PTPRS: variants seen among roughly 807,000 people sequenced by gnomAD.
PTPRS encodes receptor-type tyrosine-protein phosphatase S.
In PTPRS, 63 loss-of-function variants were observed where a neutral mutation model predicts 215.3. The observed-to-expected ratio is 0.29, with a 90% confidence interval of 0.24 to 0.36. The LOEUF (loss-of-function observed/expected upper bound fraction) is 0.36. Ranked by LOEUF, PTPRS falls within the 10% of genes least tolerant of loss-of-function variation. PTPRS has a pLI of 1.00. For synonymous variants in PTPRS, 1,404 were observed against 1,191.4 expected, an observed-to-expected ratio of 1.18 and a Z score of -3.68; for missense variants, 2,258 against 2,825.8, an observed-to-expected ratio of 0.80 and a Z score of 4.56.
chr19:5,265,480 T>C (rs1008682978), intron 4 of PTPRS, among the ~76,000 whole-genome samples: 2 of 152,178 alleles, frequency 1.3e-5, no homozygotes, highest in African/African-American at 2.4e-5. Context: ...TAGCCGGGAC[T>C]ACAAGCATGC....
At position 5,257,410 on chromosome 19, in the gene PTPRS, A is replaced by G. The variant is rs1431208238; in HGVS notation, c.706+607T>C. 4 of 456,954 alleles carry G rather than the reference A, an allele frequency of 8.8e-6. No homozygotes were observed. Among genetic ancestry groups the G allele is most frequent in the South Asian group, 6.2e-5 (4 of 64,514 alleles). 28.3% of individuals were successfully genotyped at this position (456,954 alleles called of 1,614,324 possible). ...GTGCCCGCTGTGGCTCCAGCCTCCC[A>G]TCGGCCTGGACTGCCCTTCTCGGAG... On this transcript the variant is annotated intron_variant, in intron 8 of 37. Transcript: ENST00000262963. The surrounding 1 kb of genome is among the most constrained non-coding windows in gnomAD (Gnocchi z 4.4).
chr19:5,253,950 G>A (rs531154858), intron 9 of PTPRS, among the ~76,000 whole-genome samples: 1 of 152,262 alleles, frequency 6.6e-6, no homozygotes, highest in South Asian at 2.1e-4. Context: ...TGAGGAAGTG[G>A]GGACTCCAAG....
At position 5,257,547 on chromosome 19, in the gene PTPRS, G is replaced by C. The variant is rs753309732; in HGVS notation, c.706+470C>G. ...TCTAGATTGAGGGCCCTGGATTAGG[G>C]GGGGCAGTGAAGCGGGGAGCTACGA... On this transcript the variant is annotated intron_variant, in intron 8 of 37. Transcript: ENST00000262963. The surrounding 1 kb of genome is among the most constrained non-coding windows in gnomAD (Gnocchi z 4.4). 1.4e-5 allele frequency: 6 copies of C among 442,396 alleles called. No individual in the cohort carries two copies. The highest frequency in any genetic ancestry group is 3.2e-5 in the South Asian group (2 of 63,282). The allele number at this position is 442,396 out of a possible 1,614,324, so 27.4% of individuals were successfully genotyped here.
At chr19:5,266,677 T>TA (rs1013414879) in intron 4 of PTPRS, among the ~76,000 whole-genome samples, 1 of 152,028 alleles carries the variant, frequency 6.6e-6, no homozygotes, top group African/African-American at 2.4e-5. Context: ...TTTCTAAACA[T>TA]AAACCACACT....
At position 5,219,981 on chromosome 19, in the gene PTPRS, G is replaced by A; in HGVS notation, c.3723C>T (p.Arg1241=). The change falls in exon 22 of 38, where the codon CGC becomes CGT. Residue 1241 remains arginine, a synonymous_variant. Transcript: ENST00000262963. ...FDNRGLEPGH[R]YVLFVLAVLQ... ...GCACGGCAAGCACGAAGAGGACATAGCGGTGGCCGGGCTCCAGGCCCCGGT... is the reference window on the plus strand; with the variant it reads ...GCACGGCAAGCACGAAGAGGACATAACGGTGGCCGGGCTCCAGGCCCCGGT... 1 of 1,613,896 alleles carries A rather than the reference G, an allele frequency of 6.2e-7. No individual in the cohort carries two copies. Among genetic ancestry groups the A allele is most frequent in the Non-Finnish European group, 8.5e-7 (1 of 1,180,014 alleles).
At chr19:5,264,521 T>C (rs1480313929) in intron 5 of PTPRS, among the ~76,000 whole-genome samples, 1 of 152,160 alleles carries the variant, frequency 6.6e-6, no homozygotes, top group Non-Finnish European at 1.5e-5. Flanking sequence ...ACATTGCCCA[T>C]GCTGGTCTCA....
Position 5,257,931 on chromosome 19 carries a change from G to C in PTPRS, c.706+86C>G. The stretch of plus-strand genomic sequence containing the variant: ...TCCTGCTTGGGTGTGCAGGGGACGG[G>C]GGAGCCCGGAGGCGGTGAGCCCGAG... On this transcript the variant is annotated intron_variant, in intron 8 of 37. Coordinates refer to ENST00000262963, the MANE Select transcript of PTPRS (RefSeq NM_002850.4). This position sits in a 1 kb window ranked among gnomAD's most constrained non-coding sequence, Gnocchi z 4.4. 8.3e-7 allele frequency: 1 copy of C among 1,198,894 alleles called. No homozygotes were observed. Among genetic ancestry groups the C allele is most frequent in the Middle Eastern group, 2.8e-4 (1 of 3,598 alleles). The allele number at this position is 1,198,894 out of a possible 1,614,324, so 74.3% of individuals were successfully genotyped here.
intron 1 of PTPRS, among the ~76,000 whole-genome samples, chr19:5,304,194 G>A (rs2049401988): frequency 6.6e-6 from 1 of 152,112 alleles, no homozygotes; most frequent in South Asian, 2.1e-4. Flanking sequence ...GGCCAGGCGT[G>A]GTAGCTCACA....
intron 1 of PTPRS, among the ~76,000 whole-genome samples, chr19:5,334,104 G>A (rs893869610): frequency 1.3e-5 from 2 of 152,168 alleles, no homozygotes; most frequent in Non-Finnish European, 2.9e-5. Flanking sequence ...GCCCCCTGTG[G>A]TTCAGCTCCC....
chr19:5,250,636 G>A (rs1238029206), intron 9 of PTPRS, among the ~76,000 whole-genome samples: 2 of 148,496 alleles, frequency 1.3e-5, no homozygotes, highest in African/African-American at 5.0e-5. Flanking sequence ...CCGCTTGGGC[G>A]AGGGGGTCGG....
chr19:5,248,037 G>T (rs531621461), intron 9 of PTPRS, among the ~76,000 whole-genome samples: 11 of 148,872 alleles, frequency 7.4e-5, no homozygotes, highest in South Asian at 2.2e-4. Context: ...CCGTGAGATG[G>T]GGGGGGCGGG....
At chr19:5,297,182 G>A (rs189725005) in intron 1 of PTPRS, among the ~76,000 whole-genome samples, 40 of 152,282 alleles carry the variant, frequency 2.6e-4, no homozygotes, top group African/African-American at 8.9e-4. Flanking sequence ...CCCAGGAGGC[G>A]GCTGCCCTTG....
intron 1 of PTPRS, among the ~76,000 whole-genome samples, chr19:5,324,307 G>A (rs966625363): frequency 2.6e-5 from 4 of 151,522 alleles, no homozygotes; most frequent in Non-Finnish European, 2.9e-5. Flanking sequence ...CGCACAGTCC[G>A]GCACACAGCA....
chr19:5,321,467 G>A (rs1481018892), intron 1 of PTPRS, among the ~76,000 whole-genome samples: 3 of 152,174 alleles, frequency 2.0e-5, no homozygotes, highest in Non-Finnish European at 4.4e-5. Flanking sequence ...AGGATCTACC[G>A]CCTAGAAGTG....
chr19:5,317,461 G>C (rs1292578448), intron 1 of PTPRS, among the ~76,000 whole-genome samples: 2 of 152,202 alleles, frequency 1.3e-5, no homozygotes, highest in Admixed American at 6.5e-5. Flanking sequence ...GACAGAGCAA[G>C]ACTGTCTCAA....
chr19:5,255,868 G>C (rs185130992), intron 9 of PTPRS, among the ~76,000 whole-genome samples: 2 of 152,208 alleles, frequency 1.3e-5, no homozygotes, highest in African/African-American at 4.8e-5. Flanking sequence ...GGCTGGGCGC[G>C]GCTGAGATTT....
At chr19:5,241,792 C>A (rs1047547346) in intron 11 of PTPRS, among the ~76,000 whole-genome samples, 6 of 152,090 alleles carry the variant, frequency 3.9e-5, no homozygotes, top group African/African-American at 2.4e-5. Context: ...AGTCCTGCCA[C>A]CTGAGCAGGG....
intron 4 of PTPRS, among the ~76,000 whole-genome samples, chr19:5,269,621 G>A (rs1483155904): frequency 6.6e-6 from 1 of 152,040 alleles, no homozygotes; most frequent in African/African-American, 2.4e-5. Context: ...AGCCGGAGAG[G>A]AGAGAGAAAA....
intron 9 of PTPRS, among the ~76,000 whole-genome samples, chr19:5,246,717 C>T (rs1339078464): frequency 6.6e-6 from 1 of 152,194 alleles, no homozygotes; most frequent in African/African-American, 2.4e-5. Context: ...TGGGGCCCTG[C>T]CCACTTACCC....
Sources: allele counts gnomAD v4.1 joint callset (sites outside exome capture counted in the v4.1 genomes callset), GRCh38; gene constraint gnomAD v4.1.1; non-coding constraint Gnocchi (gnomAD v3.1); transcripts MANE v1.5; gene names NCBI Gene and HGNC (gene_info 2026-07-23, HGNC 2026-07-21).